The following CTNND2 variants were observed in gnomAD, a reference collection of about 807,000 sequenced individuals.
CTNND2 encodes the protein catenin delta-2.
CTNND2 carries 22 observed loss-of-function variants against 144.4 expected under a neutral mutation model. The observed-to-expected ratio is 0.15, with a 90% CI of 0.11 to 0.22. The LOEUF (loss-of-function observed/expected upper bound fraction) is 0.22, where lower values mean the gene tolerates loss of function less well. CTNND2 is among the 10% of genes least tolerant of loss of function. The pLI, the probability that CTNND2 is intolerant of heterozygous loss-of-function variation, is 1.00. For synonymous variants in CTNND2, 751 were observed against 695.6 expected (o/e 1.08, Z -1.25); for missense variants, 1,353 against 1,618.8 (o/e 0.84, Z 2.82).
intron 3 of CTNND2, among the ~76,000 whole-genome samples, chr5:11,420,986 C>T (rs988944615): frequency 1.3e-5 from 2 of 152,058 alleles, no homozygotes; most frequent in Non-Finnish European, 2.9e-5. Flanking sequence ...AATTTCTACC[C>T]CACCTTAACT....
intron 3 of CTNND2, among the ~76,000 whole-genome samples, chr5:11,514,224 T>A (rs1771934027): frequency 6.6e-6 from 1 of 152,002 alleles, no homozygotes; most frequent in Non-Finnish European, 1.5e-5. Flanking sequence ...GTATGAACAT[T>A]TAGGTGCAAT....
chr5:11,470,109 C>T (rs1356529223), intron 3 of CTNND2, among the ~76,000 whole-genome samples: 1 of 152,146 alleles, frequency 6.6e-6, no homozygotes, highest in African/African-American at 2.4e-5. Flanking sequence ...AAAACACACC[C>T]TATTATCAGG....
chr5:11,411,560 G>T lies in CTNND2; in HGVS notation c.415C>A (p.Pro139Thr). The change falls in exon 5 of 22, where the codon CCA (proline) becomes ACA (threonine). Residue 139 changes from proline to threonine, a missense_variant. Physicochemically the swap from Pro to Thr is conservative, Grantham distance 38 (BLOSUM62 -1). Around this residue, in one of 4 missense-constraint regions of CTNND2, gnomAD observed 708 missense variants for 706.4 expected, o/e 1.00. Coordinates refer to ENST00000304623, the MANE Select transcript of CTNND2 (RefSeq NM_001332.4). ...RSLQESGILDPQDYSTGERPS... is the reference protein window; with the variant it reads ...RSLQESGILDTQDYSTGERPS... ...CTTTCACCTGTAGAATAATCCTGTG[G>T]GTCAAGTATTCCTGATTCCTGTAGT... The T allele has an allele frequency of 6.2e-7, 1 of 1,605,062 alleles. No homozygotes were observed. Among genetic ancestry groups the T allele is most frequent in the Non-Finnish European group, 8.5e-7 (1 of 1,172,538 alleles).
At chr5:11,043,667 T>C (rs7730123) in intron 16 of CTNND2, among the ~76,000 whole-genome samples, 27,245 of 152,112 alleles carry the variant, frequency 0.18, 4,768 homozygotes, top group East Asian at 0.58. Context: ...AATGACTTAT[T>C]GTTATATCTG....
intron 3 of CTNND2, among the ~76,000 whole-genome samples, chr5:11,516,730 C>A (rs32622): frequency 0.43 from 65,674 of 152,040 alleles, 14,941 homozygotes; most frequent in South Asian, 0.53. Context: ...AATATTGTTA[C>A]AATGGCAATA....
intron 20 of CTNND2, among the ~76,000 whole-genome samples, chr5:10,984,738 A>G (rs1188102032): frequency 6.6e-6 from 1 of 152,152 alleles, no homozygotes; most frequent in Non-Finnish European, 1.5e-5. Context: ...CAAATACCCA[A>G]TTCCCAACTG....
intron 3 of CTNND2, among the ~76,000 whole-genome samples, chr5:11,490,925 C>A (rs1769327328): frequency 1.3e-5 from 2 of 152,128 alleles, no homozygotes; most frequent in Admixed American, 1.3e-4. Context: ...GAGGTTGAGG[C>A]TACAGCGAGA....
chr5:11,438,501 C>G (rs1763972771), intron 3 of CTNND2, among the ~76,000 whole-genome samples: 1 of 152,122 alleles, frequency 6.6e-6, no homozygotes, highest in Admixed American at 6.5e-5. Flanking sequence ...AAATCTGTAC[C>G]TAATTTCAGA....
intron 3 of CTNND2, among the ~76,000 whole-genome samples, chr5:11,433,303 T>C (rs1317861998): frequency 6.6e-6 from 1 of 152,060 alleles, no homozygotes; most frequent in Non-Finnish European, 1.5e-5. Flanking sequence ...GTGCTCTATA[T>C]CATTGGTCAT....
chr5:11,763,629 C>T (rs1365376929), intron 1 of CTNND2, among the ~76,000 whole-genome samples: 1 of 152,326 alleles, frequency 6.6e-6, no homozygotes, highest in South Asian at 2.1e-4. Context: ...GAGGAAATGG[C>T]TTCCCTGAAT....
At chr5:11,727,547 G>C (rs1465817075) in intron 2 of CTNND2, among the ~76,000 whole-genome samples, 1 of 151,924 alleles carries the variant, frequency 6.6e-6, no homozygotes, top group Non-Finnish European at 1.5e-5. Flanking sequence ...ATCCACCCTG[G>C]CTTGAAACAA....
intron 2 of CTNND2, among the ~76,000 whole-genome samples, chr5:11,568,393 C>T (rs1777289630): frequency 6.6e-6 from 1 of 152,174 alleles, no homozygotes; most frequent in African/African-American, 2.4e-5. Flanking sequence ...CTACCTTACC[C>T]CAAGCCAAGG....
intron 12 of CTNND2, among the ~76,000 whole-genome samples, chr5:11,148,639 G>C (rs1757463327): frequency 6.6e-6 from 1 of 152,230 alleles, no homozygotes; most frequent in African/African-American, 2.4e-5. Context: ...GCCTCATGGT[G>C]CTTTGGTGCT....
chr5:11,380,113 G>C (rs190416427), intron 7 of CTNND2, among the ~76,000 whole-genome samples: 1 of 152,264 alleles, frequency 6.6e-6, no homozygotes, highest in East Asian at 1.9e-4. Flanking sequence ...AAGATGCTCC[G>C]CTAGGATGCT....
At chr5:11,407,007 AT>A (rs1761153002) in intron 5 of CTNND2, among the ~76,000 whole-genome samples, 1 of 105,644 alleles carries the variant, frequency 9.5e-6, no homozygotes, top group African/African-American at 9.6e-5. Context: ...CATACGAGTT[AT>A]TTTTTTCCAG....
chr5:11,629,326 G>T (rs1781307969), intron 2 of CTNND2, among the ~76,000 whole-genome samples: 1 of 152,042 alleles, frequency 6.6e-6, no homozygotes, highest in African/African-American at 2.4e-5. Context: ...AAAGACAAAA[G>T]ATACACAGGA....
At chr5:11,018,971 T>C (rs539589520) in intron 17 of CTNND2, among the ~76,000 whole-genome samples, 1 of 152,234 alleles carries the variant, frequency 6.6e-6, no homozygotes, top group East Asian at 1.9e-4. Context: ...CCTACCAAAG[T>C]GCTGGGATTA....
chr5:10,999,481 A>C (rs750230897), intron 18 of CTNND2, among the ~76,000 whole-genome samples: 2 of 152,200 alleles, frequency 1.3e-5, no homozygotes, highest in Non-Finnish European at 2.9e-5. Flanking sequence ...AGCCCAGGGA[A>C]GAAGCAGGGA....
intron 9 of CTNND2, among the ~76,000 whole-genome samples, chr5:11,276,538 G>A (rs1746546361): frequency 6.6e-6 from 1 of 152,044 alleles, no homozygotes; most frequent in Non-Finnish European, 1.5e-5. Context: ...CACTCCCATG[G>A]TATTCCCATC....
Sources: allele counts gnomAD v4.1 joint callset (sites outside exome capture counted in the v4.1 genomes callset), GRCh38; gene constraint gnomAD v4.1.1; regional missense constraint gnomAD v4.1.1; transcripts MANE v1.5; gene names NCBI Gene and HGNC (gene_info 2026-07-23, HGNC 2026-07-21).